Variants in PRIMA1 observed in about 807,000 individuals in gnomAD.
PRIMA1 encodes the protein proline rich membrane anchor 1.
A neutral mutation model predicts 17.5 loss-of-function variants in PRIMA1; 7 were observed. The ratio of observed to expected loss-of-function variants is 0.40; its 90% CI spans 0.23 to 0.75. The LOEUF (loss-of-function observed/expected upper bound fraction) is 0.75, where lower values mean the gene tolerates loss of function less well. Among genes scored for constraint, PRIMA1 ranks in the 30% least tolerant of loss-of-function variants. PRIMA1 has a pLI of 0.37. For synonymous variants in PRIMA1, 97 were observed against 77.9 expected (o/e 1.25, Z -1.29); for missense variants, 200 against 201.8 (o/e 0.99, Z 0.05).
intron 3 of PRIMA1, among the ~76,000 whole-genome samples, chr14:93,774,737 C>T (rs1452247965): frequency 6.6e-6 from 1 of 152,206 alleles, no homozygotes; most frequent in East Asian, 1.9e-4. Flanking sequence ...CTTTATCCCC[C>T]AAGTCTGGCT....
At position 93,758,158 on chromosome 14, in the gene PRIMA1, T is replaced by C. The variant is rs76606801; in HGVS notation, c.230-20788A>G. 7.4e-4 allele frequency among the ~76,000 whole-genome samples: 112 copies of C among 152,334 alleles called. 1 individual carries two copies. In the East Asian group the frequency reaches 0.02, roughly 28 times the overall value. The stretch of plus-strand genomic sequence containing the variant: ...GGGTACACCCCTGTCTCAGCTCAGC[T>C]TACTCGGCTCTGCCACTAGGGAACC... On this transcript the variant is annotated intron_variant, in intron 3 of 4. Transcript: ENST00000393140.
intron 3 of PRIMA1, 44 bp from the exon 4 acceptor site, chr14:93,737,414 G>C: frequency 6.2e-7 from 1 of 1,600,374 alleles, no homozygotes. Flanking sequence ...GGATGAGCTG[G>C]TCATGGCCAG....
intron 3 of PRIMA1, among the ~76,000 whole-genome samples, chr14:93,757,755 C>T (rs945230294): frequency 1.6e-4 from 25 of 151,978 alleles, no homozygotes; most frequent in Admixed American, 3.3e-4. Flanking sequence ...GGAGAGGAAA[C>T]GGAGGGAAAT....
At chr14:93,787,520 C>A (rs943234694) in intron 2 of PRIMA1, 106 bp downstream of exon 2, 11 of 1,479,070 alleles carry the variant, frequency 7.4e-6, no homozygotes, top group Non-Finnish European at 9.1e-6. Flanking sequence ...CTTCCGAGAA[C>A]CAATCAGTGG....
chr14:93,756,622 C>T (rs2076292295), intron 3 of PRIMA1, among the ~76,000 whole-genome samples: 1 of 152,086 alleles, frequency 6.6e-6, no homozygotes, highest in Admixed American at 6.6e-5. Flanking sequence ...GCCAACTACT[C>T]TCATGTGTAC....
intron 4 of PRIMA1, among the ~76,000 whole-genome samples, chr14:93,728,676 C>T (rs2076095047): frequency 6.6e-6 from 1 of 152,186 alleles, no homozygotes; most frequent in Non-Finnish European, 1.5e-5. Flanking sequence ...GCATGCATTT[C>T]TTGATGACAA....
At chr14:93,729,989 G>C (rs2076103219) in intron 4 of PRIMA1, among the ~76,000 whole-genome samples, 1 of 152,138 alleles carries the variant, frequency 6.6e-6, no homozygotes, top group South Asian at 2.1e-4. Context: ...TTTGGTGCAT[G>C]TTATTTACAC....
At chr14:93,747,960 T>C (rs1438446025) in intron 3 of PRIMA1, among the ~76,000 whole-genome samples, 1 of 147,512 alleles carries the variant, frequency 6.8e-6, no homozygotes, top group East Asian at 2.0e-4. Flanking sequence ...TGAGTGTGTG[T>C]GTATAAGTGT....
intron 2 of PRIMA1, among the ~76,000 whole-genome samples, chr14:93,781,233 T>A (rs1360530051): frequency 6.6e-6 from 1 of 152,220 alleles, no homozygotes. Flanking sequence ...TGCCGTCTGA[T>A]GGTGGCCTCT....
chr14:93,737,384 G>A lies in PRIMA1; in HGVS notation c.230-14C>T, dbSNP rs747887701. On this transcript the variant is annotated splice_polypyrimidine_tract_variant and intron_variant, in intron 3 of 4. Transcript: ENST00000393140. ...TAGAGTTGGGAGCTGAAAAAGACAG[G>A]AGCAGCCTGAGTGTCACCTGGATGA... 1.9e-6 allele frequency: 3 copies of A among 1,612,334 alleles called. No individual in the cohort carries two copies. The highest frequency in any genetic ancestry group is 1.3e-5 in the African/African-American group (1 of 75,010).
At chr14:93,739,872 C>G (rs1189818326) in intron 3 of PRIMA1, among the ~76,000 whole-genome samples, 2 of 152,068 alleles carry the variant, frequency 1.3e-5, no homozygotes, top group Admixed American at 1.3e-4. Context: ...TTGAGACCAG[C>G]CTGACCAACA....
chr14:93,725,318 G>A (rs1425150082), intron 4 of PRIMA1, among the ~76,000 whole-genome samples: 1 of 152,118 alleles, frequency 6.6e-6, no homozygotes, highest in African/African-American at 2.4e-5. Flanking sequence ...AAATGGTCAT[G>A]ATCTGCTCCC....
intron 4 of PRIMA1, among the ~76,000 whole-genome samples, chr14:93,732,055 G>A (rs8006438): frequency 1 from 152,372 of 152,374 alleles, 76,185 homozygotes; most frequent in Non-Finnish European, 1. Flanking sequence ...ACCGTCCTGA[G>A]ACCACGTATT....
chr14:93,725,822 C>A, intron 4 of PRIMA1: 1 of 398,410 alleles, frequency 2.5e-6, no homozygotes, highest in Admixed American at 2.8e-5. Flanking sequence ...CTCCAGTCTG[C>A]ACAGACTTCC....
chr14:93,779,391 C>T (rs972626982), intron 2 of PRIMA1, 80 bp from the exon 3 acceptor site: 6 of 1,235,540 alleles, frequency 4.9e-6, no homozygotes, highest in African/African-American at 3.2e-5. Context: ...CAGGCCACCC[C>T]GTCCCCTGCC....
At chr14:93,725,307 G>A (rs962089728) in intron 4 of PRIMA1, among the ~76,000 whole-genome samples, 63 of 152,152 alleles carry the variant, frequency 4.1e-4, no homozygotes, top group Admixed American at 1.3e-3. Flanking sequence ...GCTCTCCTGA[G>A]AAATGGTCAT....
At chr14:93,760,861 G>A (rs965404483) in intron 3 of PRIMA1, among the ~76,000 whole-genome samples, 4 of 148,308 alleles carry the variant, frequency 2.7e-5, no homozygotes, top group Admixed American at 6.7e-5. Context: ...TGCTGCCCCA[G>A]TCCAGCCCAC....
chr14:93,755,671 T>A (rs951091667), intron 3 of PRIMA1, among the ~76,000 whole-genome samples: 1 of 152,160 alleles, frequency 6.6e-6, no homozygotes, highest in Non-Finnish European at 1.5e-5. Context: ...TATTCCGATT[T>A]CCAGAACACA....
At chr14:93,731,504 A>G (rs1227633585) in intron 4 of PRIMA1, among the ~76,000 whole-genome samples, 6 of 152,182 alleles carry the variant, frequency 3.9e-5, no homozygotes, top group African/African-American at 1.4e-4. Flanking sequence ...AAAAATTAAA[A>G]CTAAATTAAA....
Sources: allele counts gnomAD v4.1 joint callset (sites outside exome capture counted in the v4.1 genomes callset), GRCh38; gene constraint gnomAD v4.1.1; transcripts MANE v1.5; gene names NCBI Gene and HGNC (gene_info 2026-07-23, HGNC 2026-07-21).